The following CDKL2 variants were observed in gnomAD, a reference collection of about 807,000 sequenced individuals.
CDKL2 encodes the protein cyclin-dependent kinase-like 2.
CDKL2 carries 64 observed loss-of-function variants against 63.9 expected under a neutral mutation model. The ratio of observed to expected loss-of-function variants is 1.00; its 90% confidence interval spans 0.82 to 1.23. The LOEUF (loss-of-function observed/expected upper bound fraction) is 1.23, where lower values mean the gene tolerates loss of function less well. Among genes scored for constraint, CDKL2 ranks in the 50% most tolerant of loss-of-function variants. CDKL2 has a pLI of 0.00. For missense variants in CDKL2, 656 were observed against 668.0 expected (o/e 0.98, Z 0.20); for synonymous variants, 211 against 229.2 (o/e 0.92, Z 0.72).
At chr4:75,627,135 G>A (rs1197672628) in intron 1 of CDKL2, among the ~76,000 whole-genome samples, 4 of 151,548 alleles carry the variant, frequency 2.6e-5, no homozygotes, top group East Asian at 2.0e-4. Flanking sequence ...CCCAGGAGGC[G>A]GAGGTTGCAG....
chr4:75,590,040 T>A (rs1292653039), intron 12 of CDKL2, among the ~76,000 whole-genome samples: 3 of 149,828 alleles, frequency 2.0e-5, no homozygotes, highest in Non-Finnish European at 4.4e-5. Flanking sequence ...GTTGGTGCAC[T>A]CCCGTGGTCC....
intron 1 of CDKL2, among the ~76,000 whole-genome samples, chr4:75,626,482 C>A (rs908896843): frequency 2.6e-5 from 4 of 152,024 alleles, no homozygotes; most frequent in Non-Finnish European, 4.4e-5. Context: ...CTGGCTAACA[C>A]GGTGAAACCC....
intron 6 of CDKL2, among the ~76,000 whole-genome samples, chr4:75,603,094 G>T (rs1211897039): frequency 6.7e-6 from 1 of 148,760 alleles, no homozygotes; most frequent in Non-Finnish European, 1.5e-5. Flanking sequence ...CCGCTTCCCG[G>T]GTTCACGCCA....
rs180955637 is a variant in CDKL2 at position 75,599,758 on chromosome 4, C to T, written c.884+523G>A. Among the ~76,000 whole-genome samples the T allele has an allele frequency of 2.9e-4, 44 of 152,312 alleles. No individual in the cohort carries two copies. In the East Asian group the frequency reaches 8.3e-3, roughly 29 times the overall value. ...CTACCTTTTATTAAGCTACGTGTTA[C>T]TGCCACTCATCTCACTATTCTTTGT... On this transcript the variant is annotated intron_variant, in intron 7 of 13. Transcript: ENST00000307465.
intron 12 of CDKL2, among the ~76,000 whole-genome samples, chr4:75,587,083 G>A (rs1327238788): frequency 2.0e-5 from 3 of 152,114 alleles, no homozygotes; most frequent in Non-Finnish European, 4.4e-5. Flanking sequence ...TAACTATACT[G>A]ATCAAGAAAA....
chr4:75,596,870 C>T (rs1728961334), intron 9 of CDKL2, 65 bp downstream of exon 9: 18 of 1,338,988 alleles, frequency 1.3e-5, no homozygotes, highest in Non-Finnish European at 1.9e-5. Context: ...GATGAATTGA[C>T]AAACCCTTGC....
chr4:75,579,966 A>C (rs777495504), intron 13 of CDKL2, among the ~76,000 whole-genome samples: 5 of 152,184 alleles, frequency 3.3e-5, no homozygotes, highest in Non-Finnish European at 7.3e-5. Flanking sequence ...AGGTTAACAG[A>C]TTAATTCCAA....
At chr4:75,580,917 G>A (rs547805140) in intron 13 of CDKL2, among the ~76,000 whole-genome samples, 5 of 151,604 alleles carry the variant, frequency 3.3e-5, no homozygotes, top group African/African-American at 1.2e-4. Context: ...AGCCAGGATG[G>A]TCTCGATCTC....
rs1028514917 is a variant in CDKL2, at chr4:75,577,453, T to C, written c.*1749A>G. Among the ~76,000 whole-genome samples, 17 of 152,146 alleles carry C rather than the reference T, an allele frequency of 1.1e-4. No individual in the cohort carries two copies. Among genetic ancestry groups the C allele is most frequent in the Non-Finnish European group, 2.5e-4 (17 of 68,010 alleles). ...TTCCTTAATTCTAAAGTTCACAAAG[T>C]GTTTTAATAGGCAAAAGATATCAAA... On this transcript the variant is annotated 3_prime_UTR_variant, in exon 14 of 14. Transcript: ENST00000307465.
At chr4:75,594,385 T>C (rs1174729917) in intron 10 of CDKL2, among the ~76,000 whole-genome samples, 1 of 151,644 alleles carries the variant, frequency 6.6e-6, no homozygotes, top group Non-Finnish European at 1.5e-5. Context: ...GAGGCGGAGG[T>C]TGCAGTGAGC....
intron 2 of CDKL2, among the ~76,000 whole-genome samples, chr4:75,618,214 C>G (rs1370808538): frequency 1.4e-5 from 2 of 144,266 alleles, no homozygotes; most frequent in African/African-American, 5.2e-5. Flanking sequence ...CTGAGTAACT[C>G]AGACCAGGCC....
At chr4:75,591,588 C>T (rs1300132469) in intron 12 of CDKL2, among the ~76,000 whole-genome samples, 1 of 151,892 alleles carries the variant, frequency 6.6e-6, no homozygotes, top group Admixed American at 6.6e-5. Flanking sequence ...CAGAGTGAGA[C>T]CATGTCTCTA....
At chr4:75,591,644 T>C (rs1032892801) in intron 12 of CDKL2, among the ~76,000 whole-genome samples, 175 bp downstream of exon 12, 1 of 152,138 alleles carries the variant, frequency 6.6e-6, no homozygotes, top group South Asian at 2.1e-4. Flanking sequence ...TATGTAAATA[T>C]ATATGTAATA....
intron 2 of CDKL2, 112 bp downstream of exon 2, chr4:75,625,709 G>A (rs1471829086): frequency 5.5e-6 from 4 of 725,684 alleles, no homozygotes; most frequent in Non-Finnish European, 8.9e-6. Context: ...TTAAAATCAG[G>A]TTTACATTCA....
intron 12 of CDKL2, among the ~76,000 whole-genome samples, chr4:75,591,117 G>A (rs1458891180): frequency 6.6e-6 from 1 of 152,132 alleles, no homozygotes; most frequent in African/African-American, 2.4e-5. Flanking sequence ...GTGAAAATAT[G>A]TCAAATAGAT....
At chr4:75,626,126 A>T in intron 1 of CDKL2, 109 bp from the exon 2 acceptor site, 1 of 690,968 alleles carries the variant, frequency 1.4e-6, no homozygotes. Flanking sequence ...CACTGTGTTC[A>T]TGGCTGTCCT....
At chr4:75,593,724 G>C (rs1174782765) in intron 10 of CDKL2, among the ~76,000 whole-genome samples, 4 of 151,994 alleles carry the variant, frequency 2.6e-5, no homozygotes, top group Admixed American at 1.3e-4. Flanking sequence ...AACCAAAAAA[G>C]AAAGTACTAT....
chr4:75,617,529 C>T (rs968252667), intron 2 of CDKL2, among the ~76,000 whole-genome samples: 1 of 151,936 alleles, frequency 6.6e-6, no homozygotes, highest in Non-Finnish European at 1.5e-5. Context: ...CTAAACAAAC[C>T]AACAAAAATG....
chr4:75,605,188 T>C (rs1729368809), intron 5 of CDKL2, among the ~76,000 whole-genome samples: 2 of 152,010 alleles, frequency 1.3e-5, no homozygotes, highest in Admixed American at 1.3e-4. Flanking sequence ...ACGCCATCTC[T>C]ACTAAAAATA....
Sources: allele counts gnomAD v4.1 joint callset (sites outside exome capture counted in the v4.1 genomes callset), GRCh38; gene constraint gnomAD v4.1.1; transcripts MANE v1.5; gene names NCBI Gene and HGNC (gene_info 2026-07-23, HGNC 2026-07-21).